Variants in TAF6 observed in about 807,000 individuals in gnomAD.
TAF6 encodes the protein TATA-box binding protein associated factor 6.
Under a neutral mutation model 73.5 loss-of-function variants are expected in TAF6, and 50 were observed. The ratio of observed to expected loss-of-function variants is 0.68; its 90% CI spans 0.54 to 0.86. The LOEUF (loss-of-function observed/expected upper bound fraction) is 0.86. Ranked by LOEUF, TAF6 falls within the 40% of genes least tolerant of loss-of-function variation. TAF6 has a pLI of 0.00. For missense variants in TAF6, 768 were observed against 899.5 expected (o/e 0.85, Z 1.87); for synonymous variants, 424 against 376.7 (o/e 1.13, Z -1.45).
Position 100,114,454 on chromosome 7 carries a change from C to T in TAF6, c.-59-186G>A, listed in dbSNP as rs1247905142. On this transcript the variant is annotated intron_variant, in intron 1 of 14. Coordinates refer to ENST00000453269, the MANE Select transcript of TAF6 (RefSeq NM_139315.3). ...GGCTGGGGCCAGGTTCAGTGGCTCA[C>T]GCCTGTAATCCCACCAGCACTTTGG... 11 of 653,574 alleles carry T rather than the reference C, an allele frequency of 1.7e-5. No homozygotes were observed. In the Admixed American group the frequency reaches 2.0e-4, roughly 12 times the overall value. 40.5% of individuals were successfully genotyped at this position (653,574 alleles called of 1,614,324 possible).
chr7:100,111,025 G>C lies in TAF6; in HGVS notation c.1083+114C>G, dbSNP rs564824410. 1.3e-4 allele frequency: 149 copies of C among 1,114,500 alleles called. No homozygotes were observed. The African/African-American group carries it at 2.0e-3, about 15-fold the overall frequency. 69.0% of individuals were successfully genotyped at this position (1,114,500 alleles called of 1,614,324 possible). A position where few individuals can be genotyped will look rare whatever the true frequency, so the allele number is the denominator to read the frequency against. On this transcript the variant is annotated intron_variant, in intron 10 of 14. Coordinates refer to ENST00000453269, the MANE Select transcript of TAF6 (RefSeq NM_139315.3). ...TTACAGACAAGCCTCAAGACCCTTA[G>C]ACCCCCACAAGTTCCAGTCCCTCTT...
At chr7:100,125,900 C>T in the TAF6 span, among the ~76,000 whole-genome samples, 2 of 152,166 alleles carry the variant, frequency 1.3e-5, no homozygotes, top group African/African-American at 2.4e-5. Context: ...AAAAATTAGC[C>T]GGGCGGCTGG....
At chr7:100,122,663 C>G, upstream of TAF6, 1 of 1,503,620 alleles carries the variant, frequency 6.7e-7, no homozygotes, top group South Asian at 1.3e-5. Flanking sequence ...ATCTGCCCAT[C>G]ATCTCACCAT....
chr7:100,109,022 G>GA (rs1243805008), intron 12 of TAF6: 383 of 131,476 alleles, frequency 2.9e-3, no homozygotes, highest in Middle Eastern at 8.0e-3. Flanking sequence ...GACTGTCTCA[G>GA]AAAAAAAAAA....
At chr7:100,108,596 G>A in intron 12 of TAF6, 56 bp from the exon 13 acceptor site, 1 of 1,541,950 alleles carries the variant, frequency 6.5e-7, no homozygotes, top group South Asian at 1.2e-5. Context: ...AAGCCAGGTA[G>A]AGGGAGGGCT....
At chr7:100,107,876 T>G in intron 14 of TAF6, 50 bp downstream of exon 14, 2 of 1,560,358 alleles carry the variant, frequency 1.3e-6, no homozygotes, top group Non-Finnish European at 1.7e-6. Context: ...CAGGGTGCTC[T>G]GAGGTAACCC....
intron 1 of TAF6, 86 bp from the exon 2 acceptor site, chr7:100,114,354 G>T (rs1797499846): frequency 7.7e-7 from 1 of 1,292,738 alleles, no homozygotes; most frequent in African/African-American, 1.5e-5. Flanking sequence ...GGAGACAGGG[G>T]AGGAACTCCG....
Position 100,107,630 on chromosome 7 carries a change from A to G in TAF6, c.1657-7T>C. The G allele has an allele frequency of 1.2e-6, 2 of 1,609,608 alleles. No individual in the cohort carries two copies. The highest frequency in any genetic ancestry group is 1.3e-5 in the African/African-American group (1 of 74,826). On this transcript the variant is annotated splice_region_variant and splice_polypyrimidine_tract_variant and intron_variant, in intron 14 of 14. Transcript: ENST00000453269. ...AGGTGCTGAGGGACAGGACCTGGATAGAAAGGAAAGGCAGGCCGCTTGCCC... is the reference window on the plus strand; with the variant it reads ...AGGTGCTGAGGGACAGGACCTGGATGGAAAGGAAAGGCAGGCCGCTTGCCC...
chr7:100,124,707 TTC>T (rs760069201), upstream of TAF6: 3 of 1,613,774 alleles, frequency 1.9e-6, no homozygotes, highest in Non-Finnish European at 2.5e-6. Context: ...CTAAATTGTT[TTC>T]TGTCATCCGA....
At chr7:100,113,127 G>A (rs1419556684) in intron 5 of TAF6, among the ~76,000 whole-genome samples, 6 of 152,130 alleles carry the variant, frequency 3.9e-5, no homozygotes, top group Non-Finnish European at 7.4e-5. Context: ...TTAGCCGGGC[G>A]TGGTGGTGTG....
At chr7:100,112,282 A>C (rs1384299749) in intron 6 of TAF6, 29 bp from the exon 7 acceptor site, 35 of 1,603,488 alleles carry the variant, frequency 2.2e-5, no homozygotes, top group Non-Finnish European at 2.8e-5. Context: ...GGGTCTGACA[A>C]AGAAAGCTCC....
At chr7:100,122,316 G>T, upstream of TAF6, 1 of 1,614,092 alleles carries the variant, frequency 6.2e-7, no homozygotes, top group Non-Finnish European at 8.5e-7. Context: ...GGTCGATCTC[G>T]AGAGGTGCTG....
chr7:100,126,430 G>A, the TAF6 span, among the ~76,000 whole-genome samples: 1 of 152,208 alleles, frequency 6.6e-6, no homozygotes, highest in African/African-American at 2.4e-5. Context: ...CTAGAACCAG[G>A]GGTTCAAGAC....
rs1310725354 is a variant in TAF6, at chr7:100,107,621, G to C, written c.1659C>G (p.Val553=). The C allele has an allele frequency of 6.2e-7, 1 of 1,611,342 alleles. No homozygotes were observed. The highest frequency in any genetic ancestry group is 1.3e-5 in the African/African-American group (1 of 74,826). ...CGGGGGCCGAGGTGCTGAGGGACAG[G>C]ACCTGGATAGAAAGGAAAGGCAGGC... ...SSSSAPSTQQ[V]LSLSTSAPGS... is the part of the protein sequence containing the mutation. Residue 553 remains valine, a splice_region_variant and synonymous_variant, in exon 15 of 15, where the codon GTC becomes GTG. Coordinates refer to ENST00000453269, the MANE Select transcript of TAF6 (RefSeq NM_139315.3).
upstream of TAF6, among the ~76,000 whole-genome samples, chr7:100,123,843 A>G (rs896364119): frequency 2.6e-5 from 4 of 152,220 alleles, no homozygotes; most frequent in African/African-American, 4.8e-5. Flanking sequence ...TTAAAAAGTA[A>G]TAATGGGCCA....
At position 100,119,218 on chromosome 7, in the gene TAF6, T is replaced by A. The variant is rs1797932301; in HGVS notation, c.-74A>T. 1.0e-6 allele frequency: 1 copy of A among 992,236 alleles called. No homozygotes were observed. Among genetic ancestry groups the A allele is most frequent in the Non-Finnish European group, 1.2e-6 (1 of 833,830 alleles). The allele number at this position is 992,236 out of a possible 1,614,324, so 61.5% of individuals were successfully genotyped here. Reference sequence around the variant, plus strand: ...ACACAACCAACCGTCCTCTTTCCAGTCCCCACAAGGGACCTTCAAAGGGTC... The same window carrying A: ...ACACAACCAACCGTCCTCTTTCCAGACCCCACAAGGGACCTTCAAAGGGTC... On this transcript the variant is annotated 5_prime_UTR_variant, in exon 1 of 15. Transcript: ENST00000453269.
In TAF6 at chr7:100,112,095, G is replaced by C; in HGVS notation, c.720+13C>G. 1 of 1,613,570 alleles carries C rather than the reference G, an allele frequency of 6.2e-7. No individual in the cohort carries two copies. Among genetic ancestry groups the C allele is most frequent in the Non-Finnish European group, 8.5e-7 (1 of 1,179,686 alleles). ...GGCGTCTCAGGGCCAGGGCAAGCTG[G>C]TGGGGCCCTCACCGCCCTCTTGGCC... On this transcript the variant is annotated intron_variant, in intron 7 of 14. Coordinates refer to ENST00000453269, the MANE Select transcript of TAF6 (RefSeq NM_139315.3).
the TAF6 span, among the ~76,000 whole-genome samples, chr7:100,126,201 G>A: frequency 1.3e-4 from 19 of 151,574 alleles, no homozygotes; most frequent in Non-Finnish European, 1.8e-4. Context: ...AAAAAGCCAC[G>A]CATGGTGGTG....
chr7:100,109,608 C>G (rs570498822), intron 12 of TAF6, among the ~76,000 whole-genome samples: 1 of 150,556 alleles, frequency 6.6e-6, no homozygotes, highest in African/African-American at 2.4e-5. Context: ...GCAATCCTCC[C>G]ACCTCGGCCT....
Sources: allele counts gnomAD v4.1 joint callset (sites outside exome capture counted in the v4.1 genomes callset), GRCh38; gene constraint gnomAD v4.1.1; transcripts MANE v1.5; gene names NCBI Gene and HGNC (gene_info 2026-07-23, HGNC 2026-07-21).